The following RTN4 variants were observed in gnomAD, a reference collection of about 807,000 sequenced individuals.
The protein encoded by RTN4 is reticulon-4.
Under a neutral mutation model 90.4 loss-of-function variants are expected in RTN4, and 32 were observed. That is an observed-to-expected ratio of 0.35 (90% CI 0.27 to 0.48). The LOEUF is 0.48. RTN4 is among the 20% of genes least tolerant of loss of function. RTN4 has a pLI of 0.99. For synonymous variants in RTN4, 629 were observed against 552.5 expected (o/e 1.14, Z -1.94); for missense variants, 1,706 against 1,430.2 (o/e 1.19, Z -3.11).
At chr2:55,039,539 G>T (rs1351443782) in intron 1 of RTN4, among the ~76,000 whole-genome samples, 3 of 152,190 alleles carry the variant, frequency 2.0e-5, no homozygotes, top group Admixed American at 1.3e-4. Context: ...CAGCACTTTG[G>T]GGGGCCGAGG....
chr2:55,122,595 G>A, the RTN4 span, among the ~76,000 whole-genome samples: 1 of 152,210 alleles, frequency 6.6e-6, no homozygotes, highest in African/African-American at 2.4e-5. Context: ...AAGATAAGCT[G>A]GCAGCAGTCC....
At chr2:55,078,474 T>C (rs1043581879) in intron 2 of RTN4, among the ~76,000 whole-genome samples, 1 of 152,216 alleles carries the variant, frequency 6.6e-6, no homozygotes, top group African/African-American at 2.4e-5. Context: ...TTCTTCTACA[T>C]TATAGAGAAG....
At chr2:55,021,374 G>C (rs1030395051) in intron 3 of RTN4, among the ~76,000 whole-genome samples, 1 of 145,862 alleles carries the variant, frequency 6.9e-6, no homozygotes, top group African/African-American at 2.6e-5. Context: ...CTTTGTCTTA[G>C]TTTCATCTTT....
chr2:55,013,866 C>T (rs1034624154), intron 3 of RTN4, among the ~76,000 whole-genome samples: 4 of 152,032 alleles, frequency 2.6e-5, no homozygotes, highest in African/African-American at 9.7e-5. Flanking sequence ...GGTGGGAAAG[C>T]AGCAATCATT....
chr2:54,987,642 T>A lies in RTN4; in HGVS notation c.3070A>T (p.Ser1024Cys), dbSNP rs1254987525. 6.2e-7 allele frequency: 1 copy of A among 1,614,224 alleles called. No homozygotes were observed. The highest frequency in any genetic ancestry group is 1.6e-4 in the Middle Eastern group (1 of 6,062). Residue 1024 changes from serine (S) to cysteine (C), a missense_variant, in exon 4 of 9, where the codon AGC (serine) becomes TGC (cysteine). Transcript: ENST00000337526. The part of the protein sequence containing the change: ...IKKTGVVFGA[S>C]LFLLLSLTVF... ...GTCAATGAAAGCAGCAGGAATAGGC[T>A]GGCACCAAACACCACTCCAGTCTTC...
chr2:55,075,906 A>C (rs2968825), intron 2 of RTN4, among the ~76,000 whole-genome samples: 49,489 of 152,040 alleles, frequency 0.33, 9,207 homozygotes, highest in East Asian at 0.59. Context: ...ATGAAACTGG[A>C]TTCTCATATC....
chr2:55,016,497 C>A (rs1424271224), intron 3 of RTN4, among the ~76,000 whole-genome samples: 2 of 152,096 alleles, frequency 1.3e-5, no homozygotes, highest in Admixed American at 6.5e-5. Context: ...GCACGAGAAT[C>A]GCTTGAACCC....
chr2:55,130,265 T>C, the RTN4 span, among the ~76,000 whole-genome samples: 1 of 152,214 alleles, frequency 6.6e-6, no homozygotes, highest in African/African-American at 2.4e-5. Context: ...ATATGCACAA[T>C]GTTTATGTTT....
chr2:55,110,317 A>T (rs996653378), intron 1 of RTN4, among the ~76,000 whole-genome samples: 1 of 151,874 alleles, frequency 6.6e-6, no homozygotes, highest in Non-Finnish European at 1.5e-5. Context: ...TCTCAAAAAA[A>T]AAAAAAAAAA....
intron 3 of RTN4, among the ~76,000 whole-genome samples, chr2:54,988,897 G>A (rs555433860): frequency 2.8e-4 from 42 of 152,292 alleles, no homozygotes; most frequent in African/African-American, 8.4e-4. Flanking sequence ...GGAGAACCCC[G>A]AAGTGTGCCA....
chr2:55,132,458 G>T, the RTN4 span, among the ~76,000 whole-genome samples: 290 of 151,532 alleles, frequency 1.9e-3, 1 homozygote, highest in African/African-American at 6.7e-3. Context: ...AGCCAAGATG[G>T]TGCCACTGCA....
intron 1 of RTN4, among the ~76,000 whole-genome samples, chr2:55,096,361 C>G (rs537271717): frequency 8.5e-5 from 13 of 152,084 alleles, no homozygotes; most frequent in African/African-American, 2.9e-4. Flanking sequence ...ACCACCAGGA[C>G]TTATCACTGC....
intron 6 of RTN4, 58 bp downstream of exon 6, chr2:54,974,637 A>C: frequency 7.6e-7 from 1 of 1,322,668 alleles, no homozygotes; most frequent in Non-Finnish European, 1.1e-6. Context: ...AAAATGTCTA[A>C]GCTCCTGGCA....
intron 2 of RTN4, among the ~76,000 whole-genome samples, chr2:55,073,216 AC>A (rs1295439699): frequency 1.3e-5 from 2 of 152,192 alleles, no homozygotes; most frequent in African/African-American, 2.4e-5. Context: ...TAAACTTGTG[AC>A]CTTTTTCTTG....
In RTN4 at chr2:54,982,614, C is replaced by A; in HGVS notation, c.3261G>T (p.Leu1087Phe). ...LESEVAISEE[L>F]VQKYSNSALG... is the part of the protein sequence containing the mutation. ...GAGCAGAATTACTGTACTTCTGAAC[C>A]AACTCCTCAGATATAGCAACTTCAG... Residue 1087 changes from leucine (L) to phenylalanine (F), a missense_variant, in exon 5 of 9, where the codon TTG (leucine) becomes TTT (phenylalanine). Coordinates refer to ENST00000337526, the MANE Select transcript of RTN4 (RefSeq NM_020532.5). 1.9e-6 allele frequency: 3 copies of A among 1,613,082 alleles called. No individual in the cohort carries two copies. The highest frequency in any genetic ancestry group is 2.2e-5 in the South Asian group (2 of 90,842).
the RTN4 span, among the ~76,000 whole-genome samples, chr2:55,123,828 A>G: frequency 1.3e-5 from 2 of 152,038 alleles, no homozygotes; most frequent in African/African-American, 4.8e-5. Flanking sequence ...TAATTTTTGA[A>G]TAAGGACTCT....
upstream of RTN4, among the ~76,000 whole-genome samples, chr2:55,054,751 C>T (rs190512870): frequency 7.6e-4 from 116 of 152,206 alleles, 1 homozygote; most frequent in African/African-American, 2.7e-3. Flanking sequence ...TTCAGGAGCG[C>T]CACTGAATGA....
At chr2:55,084,302 C>T (rs924770054) in intron 1 of RTN4, among the ~76,000 whole-genome samples, 29 of 135,562 alleles carry the variant, frequency 2.1e-4, no homozygotes, top group African/African-American at 6.8e-4. Context: ...ATCCCCCCTG[C>T]CTTTTTTTTT....
At position 54,973,101 on chromosome 2, in the gene RTN4, A is replaced by AATC. The variant is rs780589767; in HGVS notation, c.*52_*54dup. On this transcript the variant is annotated 3_prime_UTR_variant, in exon 9 of 9. Coordinates refer to ENST00000337526, the MANE Select transcript of RTN4 (RefSeq NM_020532.5). The stretch of plus-strand genomic sequence containing the variant: ...GTTCTTCCCTGACCCTCCCCCGTAT[A>AATC]ATCAAATGAATATCCCCTTTAAAGA... 512 of 1,467,262 alleles carry AATC rather than the reference A, an allele frequency of 3.5e-4. 1 individual carries two copies. Among genetic ancestry groups the AATC allele is most frequent in the Non-Finnish European group, 4.0e-4 (422 of 1,052,444 alleles). The allele number at this position is 1,467,262 out of a possible 1,614,324, so 90.9% of individuals were successfully genotyped here.
Sources: gnomAD v4.1 joint callset for allele counts (sites outside exome capture counted in the v4.1 genomes callset) on GRCh38, gnomAD v4.1.1 for gene constraint, MANE v1.5 for transcripts, NCBI Gene and HGNC (gene_info 2026-07-23, HGNC 2026-07-21) for gene names.